Variants in CCDC144A observed in about 807,000 individuals in gnomAD.
The protein encoded by CCDC144A is coiled-coil domain containing 144A.
Under a neutral mutation model 143.8 loss-of-function variants are expected in CCDC144A, and 41 were observed. The observed-to-expected ratio is 0.29, with a 90% CI of 0.22 to 0.37. The LOEUF is 0.37. Among genes scored for constraint, CCDC144A ranks in the 10% least tolerant of loss-of-function variants. The pLI, the probability that CCDC144A is intolerant of heterozygous loss-of-function variation, is 1.00. For missense variants in CCDC144A, 637 were observed against 1,488.8 expected, an observed-to-expected ratio of 0.43 and a Z score of 9.41; for synonymous variants, 242 against 517.9, an observed-to-expected ratio of 0.47 and a Z score of 7.23.
At chr17:16,737,431 G>A (rs1225589014) in intron 12 of CCDC144A, 4 of 1,176,298 alleles carry the variant, frequency 3.4e-6, no homozygotes, top group Non-Finnish European at 4.4e-6. Flanking sequence ...CTCCCAAAGT[G>A]CTGGGATTAC....
chr17:16,774,287 G>A lies in CCDC144A; in HGVS notation c.*654G>A, dbSNP rs1390585800. 1 of 149,488 alleles carries A rather than the reference G, an allele frequency of 6.7e-6. No homozygotes were observed. Among genetic ancestry groups the A allele is most frequent in the African/African-American group, 2.5e-5 (1 of 39,504 alleles). The allele number at this position is 149,488 out of a possible 1,614,324, so 9.3% of individuals were successfully genotyped here. On this transcript the variant is annotated 3_prime_UTR_variant, in exon 17 of 17. Transcript: ENST00000399273. Reference sequence around the variant, plus strand: ...GACATTATGCCATCACATCTGGTATGTGGGTATTCCCACAAGTCAGGACAT... The same window carrying A: ...GACATTATGCCATCACATCTGGTATATGGGTATTCCCACAAGTCAGGACAT...
At chr17:16,675,511 A>G in the CCDC144A span, among the ~76,000 whole-genome samples, 1 of 151,872 alleles carries the variant, frequency 6.6e-6, no homozygotes, top group African/African-American at 2.4e-5. Context: ...TTATACTAAC[A>G]CAACTAATAT....
chr17:16,726,528 T>G (rs1438053893), intron 8 of CCDC144A, among the ~76,000 whole-genome samples: 3 of 151,904 alleles, frequency 2.0e-5, no homozygotes, highest in Non-Finnish European at 4.4e-5. Flanking sequence ...TCTAATTTCC[T>G]GCTCCTGAGG....
At chr17:16,690,849 G>A in intron 1 of CCDC144A, 105 bp downstream of exon 1, 1 of 1,089,220 alleles carries the variant, frequency 9.2e-7, no homozygotes, top group Non-Finnish European at 1.3e-6. Flanking sequence ...GGGGTCAGGG[G>A]CCCAGGCCTC....
chr17:16,760,146 G>A (rs576587787), intron 12 of CCDC144A, among the ~76,000 whole-genome samples: 2 of 152,190 alleles, frequency 1.3e-5, no homozygotes, highest in East Asian at 3.9e-4. Flanking sequence ...GGTAGAAGCT[G>A]TGTGACTTTT....
chr17:16,680,632 GAAGA>G, the CCDC144A span, among the ~76,000 whole-genome samples: 4 of 132,336 alleles, frequency 3.0e-5, no homozygotes, highest in Non-Finnish European at 4.8e-5. Context: ...GGGAAGGAAG[GAAGA>G]AAGGGAGGGA....
chr17:16,693,665 C>G (rs937636907), intron 2 of CCDC144A, among the ~76,000 whole-genome samples: 2 of 152,006 alleles, frequency 1.3e-5, no homozygotes, highest in Non-Finnish European at 2.9e-5. Flanking sequence ...TTTATAGTCA[C>G]CTTATAATGA....
At chr17:16,701,921 A>G (rs539274828) in intron 2 of CCDC144A, among the ~76,000 whole-genome samples, 2 of 150,130 alleles carry the variant, frequency 1.3e-5, no homozygotes, top group African/African-American at 2.4e-5. Flanking sequence ...TAAAACTAGA[A>G]TCACAAAGTC....
At chr17:16,696,160 G>A (rs1212042785) in intron 2 of CCDC144A, among the ~76,000 whole-genome samples, 5 of 152,086 alleles carry the variant, frequency 3.3e-5, no homozygotes, top group African/African-American at 7.2e-5. Flanking sequence ...GAATACAGGC[G>A]CGAGCCACCA....
chr17:16,697,041 A>G (rs929651633), intron 2 of CCDC144A, among the ~76,000 whole-genome samples: 1 of 151,852 alleles, frequency 6.6e-6, no homozygotes, highest in African/African-American at 2.4e-5. Context: ...AATTACTATG[A>G]TGAGCTTAGA....
At position 16,697,008 on chromosome 17, in the gene CCDC144A, C is replaced by G. The variant is rs922304543; in HGVS notation, c.415+3959C>G. Among the ~76,000 whole-genome samples the G allele has an allele frequency of 7.6e-4, 115 of 151,772 alleles. 3 individuals are homozygous for G. The East Asian group carries it at 0.022, about 28-fold the overall frequency. On this transcript the variant is annotated intron_variant, in intron 2 of 16. Transcript: ENST00000399273. ...GTCCTACCACATGCTCATTCCTAAA[C>G]CAGGCACTGGGGAAGCAAATGTAAT...
chr17:16,676,058 C>CT, the CCDC144A span, among the ~76,000 whole-genome samples: 1 of 151,858 alleles, frequency 6.6e-6, no homozygotes, highest in Admixed American at 6.6e-5. Context: ...CACGCAGGGA[C>CT]TTTAAAACAT....
intron 16 of CCDC144A, among the ~76,000 whole-genome samples, chr17:16,772,418 A>G (rs4125015): frequency 0.035 from 5,310 of 150,154 alleles, 135 homozygotes; most frequent in South Asian, 0.12. Flanking sequence ...GTTTATAAGC[A>G]GTCGCTTGAG....
chr17:16,676,988 A>G, the CCDC144A span, among the ~76,000 whole-genome samples: 1 of 152,104 alleles, frequency 6.6e-6, no homozygotes, highest in African/African-American at 2.4e-5. Flanking sequence ...GATTTATGAA[A>G]TCAAAATTTC....
At chr17:16,769,145 A>G (rs1219944481) in intron 15 of CCDC144A, among the ~76,000 whole-genome samples, 4 of 152,106 alleles carry the variant, frequency 2.6e-5, no homozygotes, top group Non-Finnish European at 4.4e-5. Flanking sequence ...TCGCAGGTGC[A>G]TGCTGCTTAC....
At chr17:16,748,971 G>GTTAT (rs59024455) in intron 12 of CCDC144A, among the ~76,000 whole-genome samples, 20,779 of 150,550 alleles carry the variant, frequency 0.14, 1,481 homozygotes, top group South Asian at 0.16. Flanking sequence ...GATGTTCTCT[G>GTTAT]TTATTTATTT....
chr17:16,721,803 C>T (rs996625053), intron 8 of CCDC144A, among the ~76,000 whole-genome samples: 6 of 151,996 alleles, frequency 3.9e-5, no homozygotes, highest in African/African-American at 7.3e-5. Flanking sequence ...AAAAACACAG[C>T]TGCATTCCAT....
chr17:16,706,167 T>C (rs1912047158), intron 3 of CCDC144A: 1 of 151,140 alleles, frequency 6.6e-6, no homozygotes, highest in African/African-American at 2.5e-5. Context: ...TATTATAGAA[T>C]TGACTTTCCA....
chr17:16,668,042 AT>A, the CCDC144A span, among the ~76,000 whole-genome samples: 3 of 148,370 alleles, frequency 2.0e-5, no homozygotes, highest in African/African-American at 4.9e-5. Context: ...ACATAAAAAA[AT>A]GTCTCGTATA....
Sources: allele counts gnomAD v4.1 joint callset (sites outside exome capture counted in the v4.1 genomes callset), GRCh38; gene constraint gnomAD v4.1.1; transcripts MANE v1.5; gene names NCBI Gene and HGNC (gene_info 2026-07-23, HGNC 2026-07-21).